The following ZNF808 variants were observed in gnomAD, a reference collection of about 807,000 sequenced individuals.
ZNF808 encodes zinc finger protein 808.
In ZNF808, 5 loss-of-function variants were observed where a neutral mutation model predicts 8.7. The ratio of observed to expected loss-of-function variants is 0.58; its 90% confidence interval spans 0.30 to 1.21. ZNF808 has a LOEUF of 1.21. Among genes scored for constraint, ZNF808 ranks in the 50% most tolerant of loss-of-function variants. The pLI is 0.07. For missense variants in ZNF808, 1,103 were observed against 1,098.4 expected, an observed-to-expected ratio of 1.00 and a Z score of -0.06; for synonymous variants, 380 against 366.0, an observed-to-expected ratio of 1.04 and a Z score of -0.44.
chr19:52,530,150 C>T (rs1174830201), intron 1 of ZNF808, among the ~76,000 whole-genome samples: 2 of 152,100 alleles, frequency 1.3e-5, no homozygotes, highest in East Asian at 1.9e-4. Flanking sequence ...AACCTCCGCT[C>T]CCTGGCTTCA....
chr19:52,557,892 T>C (rs1478918986), downstream of ZNF808, among the ~76,000 whole-genome samples: 2 of 152,016 alleles, frequency 1.3e-5, no homozygotes, highest in African/African-American at 4.8e-5. Context: ...ACCTTGTCAG[T>C]GTAACTTGGT....
chr19:52,551,392 A>C lies in ZNF808; in HGVS notation c.191-1715A>C, dbSNP rs117898809. ...AAAAAAGTTAGCCAGGCATGGTGGC[A>C]TGTGTCTGTACTCCCTGCCTAGCTG... On this transcript the variant is annotated intron_variant, in intron 4 of 4. Coordinates refer to ENST00000359798, the MANE Select transcript of ZNF808 (RefSeq NM_001039886.4). Among the ~76,000 whole-genome samples, 4 of 151,304 alleles carry C rather than the reference A, an allele frequency of 2.6e-5. No homozygotes were observed. The East Asian group carries it at 7.8e-4, about 29-fold the overall frequency.
intron 2 of ZNF808, among the ~76,000 whole-genome samples, chr19:52,537,177 ACT>A (rs1568480223): frequency 1.6e-5 from 2 of 126,804 alleles, no homozygotes; most frequent in South Asian, 4.8e-4. Flanking sequence ...CAAGAGTGAA[ACT>A]CTTTCTCAAA....
intron 2 of ZNF808, among the ~76,000 whole-genome samples, chr19:52,535,455 G>A (rs1035468810): frequency 4.6e-5 from 7 of 152,036 alleles, no homozygotes; most frequent in African/African-American, 1.7e-4. Flanking sequence ...CAGGTTCAGC[G>A]ATTCTCCCGC....
rs886432327 is a variant in ZNF808 at position 52,538,114 on chromosome 19, G to A, written c.-20+5105G>A. Reference sequence around the variant, plus strand: ...CAGCCTCGACCTCTTAGGCTCAAGCGATCCTCCCTCAGTCTCCTGAGTAGC... The same window carrying A: ...CAGCCTCGACCTCTTAGGCTCAAGCAATCCTCCCTCAGTCTCCTGAGTAGC... On this transcript the variant is annotated intron_variant, in intron 2 of 4. Coordinates refer to ENST00000359798, the MANE Select transcript of ZNF808 (RefSeq NM_001039886.4). 5.3e-4 allele frequency among the ~76,000 whole-genome samples: 80 copies of A among 150,966 alleles called. 1 individual carries two copies. Among genetic ancestry groups the A allele is most frequent in the African/African-American group, 1.7e-3 (71 of 41,180 alleles).
intron 2 of ZNF808, among the ~76,000 whole-genome samples, chr19:52,542,963 G>T (rs1003688001): frequency 4.6e-5 from 7 of 151,350 alleles, no homozygotes; most frequent in African/African-American, 1.7e-4. Flanking sequence ...TTTTTTGGGG[G>T]GGGGGTGGAG....
rs2059689810 is a variant in ZNF808, at chr19:52,543,260, A to G, written c.-19-6A>G. ...AACATGAAGTCTTATTTTTTTTCAC[A>G]TACAGGATTGATTTCTAAAGACTCA... On this transcript the variant is annotated splice_polypyrimidine_tract_variant and splice_region_variant and intron_variant, in intron 2 of 4. Coordinates refer to ENST00000359798, the MANE Select transcript of ZNF808 (RefSeq NM_001039886.4). The G allele has an allele frequency of 6.2e-7, 1 of 1,611,030 alleles. No homozygotes were observed. The highest frequency in any genetic ancestry group is 1.3e-5 in the African/African-American group (1 of 74,662).
chr19:52,527,938 C>T (rs945282369), intron 1 of ZNF808: 9 of 152,384 alleles, frequency 5.9e-5, no homozygotes, highest in Admixed American at 4.6e-4. Context: ...AATGTATACA[C>T]TTTCTATTGC....
At chr19:52,541,155 T>C (rs1400278438) in intron 2 of ZNF808, among the ~76,000 whole-genome samples, 1 of 151,976 alleles carries the variant, frequency 6.6e-6, no homozygotes, top group Non-Finnish European at 1.5e-5. Flanking sequence ...TGTCACCATA[T>C]TGGCCAGGAT....
intron 2 of ZNF808, among the ~76,000 whole-genome samples, chr19:52,533,842 CCAAA>C (rs1218210388): frequency 1.3e-4 from 7 of 55,240 alleles, no homozygotes; most frequent in African/African-American, 4.5e-4. Flanking sequence ...GACTCCGTCT[CCAAA>C]AAAAAAAAAA....
In ZNF808 at chr19:52,553,111, C is replaced by T. The variant is rs751249373; in HGVS notation, c.195C>T (p.Ile65=). The T allele has an allele frequency of 1.3e-6, 2 of 1,543,724 alleles. No homozygotes were observed. Among genetic ancestry groups the T allele is most frequent in the East Asian group, 2.3e-5 (1 of 44,362 alleles). The change falls in exon 5 of 5, where the codon ATC becomes ATT. Residue 65 remains isoleucine (I), a synonymous_variant. Transcript: ENST00000359798. The part of the protein sequence containing the change: ...ENYRNLEAVD[I]SSKHMMKEVL... ...ATTGGTGTTTATATTTTGTAGATAT[C>T]TCTTCCAAACACATGATGAAGGAGG...
intron 2 of ZNF808, among the ~76,000 whole-genome samples, chr19:52,541,790 C>G (rs2059673087): frequency 6.6e-6 from 1 of 152,090 alleles, no homozygotes; most frequent in South Asian, 2.1e-4. Context: ...CTCCATGTCC[C>G]CTGCAGGCGT....
chr19:52,562,343 A>C (rs2059860683), intron 3 of ZNF808, among the ~76,000 whole-genome samples: 1 of 152,110 alleles, frequency 6.6e-6, no homozygotes, highest in African/African-American at 2.4e-5. Flanking sequence ...ATGCCATTGC[A>C]CTCTAGCCTG....
intron 4 of ZNF808, among the ~76,000 whole-genome samples, chr19:52,549,889 G>A (rs326446): frequency 0.34 from 50,905 of 151,340 alleles, 9,344 homozygotes; most frequent in East Asian, 0.51. Flanking sequence ...ATAGGAGGCC[G>A]CTTAAATCAG....
rs1311346806 is a variant in ZNF808, at chr19:52,551,180, C to T, written c.191-1927C>T. ...CAGCCTGGCCAACGTGGTGAAACCCCGTCTCTAGTAAAAATACAAAAATTA... is the reference window on the plus strand; with the variant it reads ...CAGCCTGGCCAACGTGGTGAAACCCTGTCTCTAGTAAAAATACAAAAATTA... On this transcript the variant is annotated intron_variant, in intron 4 of 4. Transcript: ENST00000359798. 3.3e-5 allele frequency among the ~76,000 whole-genome samples: 5 copies of T among 152,182 alleles called. No individual in the cohort carries two copies. In the East Asian group the frequency reaches 7.7e-4, roughly 24 times the overall value.
In ZNF808 at chr19:52,562,636, A is replaced by G. The variant is rs565348962; in HGVS notation, c.*423-682A>G. ...ATCCCAGTTTATAAATTTTCCCAGT[A>G]TACAGTCTGTGTTTTATATTTCATG... is the stretch of plus-strand genomic sequence containing the variant. On this transcript the variant is annotated intron_variant and NMD_transcript_variant, in intron 3 of 3. Transcript: ENST00000487863. 3.9e-5 allele frequency among the ~76,000 whole-genome samples: 6 copies of G among 152,336 alleles called. 1 individual carries two copies. In the South Asian group the frequency reaches 1.2e-3, roughly 32 times the overall value.
At chr19:52,565,489 C>T (rs1348747301), downstream of ZNF808, among the ~76,000 whole-genome samples, 2 of 151,858 alleles carry the variant, frequency 1.3e-5, no homozygotes, top group Non-Finnish European at 2.9e-5. Context: ...CTCAAGATCT[C>T]CACCCCAAAA....
chr19:52,554,304 C>T lies in ZNF808; in HGVS notation c.1388C>T (p.Ala463Val). 6.2e-7 allele frequency: 1 copy of T among 1,614,068 alleles called. No homozygotes were observed. The highest frequency in any genetic ancestry group is 8.5e-7 in the Non-Finnish European group (1 of 1,180,020). The change falls in exon 5 of 5, where the codon GCT (alanine) becomes GTT (valine). Residue 463 changes from alanine (A) to valine (V), a missense_variant. By Grantham distance (64) the Ala-to-Val change is moderately conservative (BLOSUM62 0). Coordinates refer to ENST00000359798, the MANE Select transcript of ZNF808 (RefSeq NM_001039886.4). ...TACAAATGTAAGGTTTGTGATACAGCTTTCACGTGTAATTCACAGCTGGCA... is the reference window on the plus strand; with the variant it reads ...TACAAATGTAAGGTTTGTGATACAGTTTTCACGTGTAATTCACAGCTGGCA... ...KPYKCKVCDTAFTCNSQLARH... is the reference protein window; with the variant it reads ...KPYKCKVCDTVFTCNSQLARH...
At position 52,555,723 on chromosome 19, in the gene ZNF808, G is replaced by A. The variant is rs550477285; in HGVS notation, c.*95G>A. On this transcript the variant is annotated 3_prime_UTR_variant, in exon 5 of 5. Coordinates refer to ENST00000359798, the MANE Select transcript of ZNF808 (RefSeq NM_001039886.4). ...GAGAAATCTTCTGAGTGTAATAAATGTGGCATGTTTTTCAGACATTGTTCA... is the reference window on the plus strand; with the variant it reads ...GAGAAATCTTCTGAGTGTAATAAATATGGCATGTTTTTCAGACATTGTTCA... The A allele has an allele frequency of 1.1e-5, 16 of 1,514,828 alleles. No individual in the cohort carries two copies. The African/African-American group carries it at 2.1e-4, about 20-fold the overall frequency. The allele number at this position is 1,514,828 out of a possible 1,614,324, so 93.8% of individuals were successfully genotyped here.
Sources: allele counts gnomAD v4.1 joint callset (sites outside exome capture counted in the v4.1 genomes callset), GRCh38; gene constraint gnomAD v4.1.1; transcripts MANE v1.5; gene names NCBI Gene and HGNC (gene_info 2026-07-23, HGNC 2026-07-21).